The following NET1 variants were observed in gnomAD, a reference collection of about 807,000 sequenced individuals.
NET1 encodes neuroepithelial cell transforming 1, also known as neuroepithelial cell-transforming gene 1 protein.
Under a neutral mutation model 61.1 loss-of-function variants are expected in NET1, and 42 were observed. The observed-to-expected ratio is 0.69, with a 90% CI of 0.54 to 0.89. The LOEUF is 0.89. Ranked by LOEUF, NET1 falls within the 40% of genes least tolerant of loss-of-function variation. NET1 has a pLI of 0.00. For synonymous variants in NET1, 254 were observed against 281.8 expected (o/e 0.90, Z 0.99); for missense variants, 654 against 747.3 (o/e 0.88, Z 1.46).
chr10:5,456,786 C>G lies in NET1; in HGVS notation c.1583C>G (p.Ser528Cys). The G allele has an allele frequency of 6.2e-7, 1 of 1,613,250 alleles. No individual in the cohort carries two copies. Among genetic ancestry groups the G allele is most frequent in the Non-Finnish European group, 8.5e-7 (1 of 1,179,540 alleles). Residue 528 changes from serine (S) to cysteine (C), a missense_variant, in exon 12 of 12, where the codon TCT becomes TGT. Coordinates refer to ENST00000355029, the MANE Select transcript of NET1 (RefSeq NM_001047160.3). This position sits in a 1 kb window ranked among gnomAD's most constrained non-coding sequence, Gnocchi z 7.0. ...LHEECEGNHPSARKLTAQRRA... is the reference protein window; with the variant it reads ...LHEECEGNHPCARKLTAQRRA... ...GAAGAGTGTGAGGGGAACCACCCCT[C>G]TGCGAGGAAACTCACAGCCCAGAGG... is the stretch of plus-strand genomic sequence containing the variant.
rs1832529652 is a variant in NET1 at position 5,441,942 on chromosome 10, T to G, written c.256-9888T>G. ...AACCTATTTTTAGTGAGATACAGAGTATATGCTTGTAATCTTGAATTCTAG... is the reference window on the plus strand; with the variant it reads ...AACCTATTTTTAGTGAGATACAGAGGATATGCTTGTAATCTTGAATTCTAG... On this transcript the variant is annotated intron_variant, in intron 3 of 11. Coordinates refer to ENST00000355029, the MANE Select transcript of NET1 (RefSeq NM_001047160.3). The surrounding 1 kb of genome is among the most constrained non-coding windows in gnomAD (Gnocchi z 4.6). Among the ~76,000 whole-genome samples, 1 of 152,166 alleles carries G rather than the reference T, an allele frequency of 6.6e-6. No homozygotes were observed. Among genetic ancestry groups the G allele is most frequent in the Non-Finnish European group, 1.5e-5 (1 of 68,022 alleles).
chr10:5,451,879 C>G lies in NET1; in HGVS notation c.305C>G (p.Ala102Gly). ...VRPLARVTSL[A>G]NLISPVRNGA... is the part of the protein sequence containing the mutation. ...CCTCTGGCTCGTGTCACGTCCTTGG[C>G]AAATTTAATCTCTCCTGTAAGAAAT... The change falls in exon 4 of 12, where the codon GCA becomes GGA. Residue 102 changes from alanine to glycine, a missense_variant. Coordinates refer to ENST00000355029, the MANE Select transcript of NET1 (RefSeq NM_001047160.3). The surrounding 1 kb of genome is among the most constrained non-coding windows in gnomAD (Gnocchi z 6.1). The G allele has an allele frequency of 1.2e-6, 2 of 1,613,928 alleles. No individual in the cohort carries two copies. The highest frequency in any genetic ancestry group is 1.7e-6 in the Non-Finnish European group (2 of 1,179,920).
chr10:5,432,024 C>T (rs551150988), intron 3 of NET1, among the ~76,000 whole-genome samples: 2 of 152,204 alleles, frequency 1.3e-5, no homozygotes, highest in East Asian at 3.9e-4. Context: ...GCTTAATAGC[C>T]TCCTTGTCTT....
In NET1 at chr10:5,415,876, G is replaced by A. The variant is rs892555075; in HGVS notation, c.128+3056G>A. On this transcript the variant is annotated intron_variant, in intron 1 of 11. Coordinates refer to ENST00000355029, the MANE Select transcript of NET1 (RefSeq NM_001047160.3). The surrounding 1 kb of genome is among the most constrained non-coding windows in gnomAD (Gnocchi z 4.7). ...TCTTTTCACTTTCATGATGTGCTTCGAAGCACAAAAATGTTTTAGTTTGTA... is the reference window on the plus strand; with the variant it reads ...TCTTTTCACTTTCATGATGTGCTTCAAAGCACAAAAATGTTTTAGTTTGTA... Among the ~76,000 whole-genome samples the A allele has an allele frequency of 6.6e-6, 1 of 151,962 alleles. No homozygotes were observed. The highest frequency in any genetic ancestry group is 2.1e-4 in the South Asian group (1 of 4,822).
chr10:5,430,310 T>A (rs1216605589), intron 3 of NET1, among the ~76,000 whole-genome samples: 2 of 152,174 alleles, frequency 1.3e-5, no homozygotes, highest in African/African-American at 4.8e-5. Flanking sequence ...TTGAAGTAAA[T>A]CCTAGATGTC....
intron 3 of NET1, among the ~76,000 whole-genome samples, chr10:5,433,846 T>C (rs548726133): frequency 6.6e-6 from 1 of 152,242 alleles, no homozygotes; most frequent in African/African-American, 2.4e-5. Context: ...TCAAAACTTT[T>C]TATCTTTTTA....
In NET1 at chr10:5,422,653, A is replaced by G. The variant is rs1266253325; in HGVS notation, c.129-4002A>G. 1.3e-5 allele frequency among the ~76,000 whole-genome samples: 2 copies of G among 152,148 alleles called. No individual in the cohort carries two copies. The highest frequency in any genetic ancestry group is 2.9e-5 in the Non-Finnish European group (2 of 68,028). On this transcript the variant is annotated intron_variant, in intron 1 of 11. Coordinates refer to ENST00000355029, the MANE Select transcript of NET1 (RefSeq NM_001047160.3). The surrounding 1 kb of genome is among the most constrained non-coding windows in gnomAD (Gnocchi z 4.1). Reference sequence around the variant, plus strand: ...GTGTTTGCTGGTTTCTAGATGCTCAACTGTGTTCTAGACAAGATATTCCAA... The same window carrying G: ...GTGTTTGCTGGTTTCTAGATGCTCAGCTGTGTTCTAGACAAGATATTCCAA...
At chr10:5,429,705 C>CT (rs1318510718) in intron 3 of NET1, among the ~76,000 whole-genome samples, 1 of 152,154 alleles carries the variant, frequency 6.6e-6, no homozygotes, top group Non-Finnish European at 1.5e-5. Context: ...GGCTTCAAGG[C>CT]TTCAAGTATG....
At chr10:5,430,783 G>C (rs1832336507) in intron 3 of NET1, among the ~76,000 whole-genome samples, 1 of 151,262 alleles carries the variant, frequency 6.6e-6, no homozygotes, top group African/African-American at 2.4e-5. Flanking sequence ...TTTTTGTGGG[G>C]TTTTTTGTTT....
At position 5,452,746 on chromosome 10, in the gene NET1, A is replaced by G; in HGVS notation, c.532-112A>G. On this transcript the variant is annotated intron_variant, in intron 5 of 11. Transcript: ENST00000355029. This position sits in a 1 kb window ranked among gnomAD's most constrained non-coding sequence, Gnocchi z 4.0. ...TTCCATTCTGAATTACAATTTTCAG[A>G]CTGAGTTACTTTTTAAAATGCCGTT... is the stretch of plus-strand genomic sequence containing the variant. 9.5e-7 allele frequency: 1 copy of G among 1,055,198 alleles called. No homozygotes were observed. 65.4% of individuals were successfully genotyped at this position (1,055,198 alleles called of 1,614,324 possible). A position where few individuals can be genotyped will look rare whatever the true frequency, so the allele number is the denominator to read the frequency against.
In NET1 at chr10:5,426,556, C is replaced by T. The variant is rs1194387553; in HGVS notation, c.129-99C>T. The T allele has an allele frequency of 2.1e-5, 18 of 840,418 alleles. No homozygotes were observed. Among genetic ancestry groups the T allele is most frequent in the East Asian group, 5.4e-5 (2 of 37,356 alleles). 52.1% of individuals were successfully genotyped at this position (840,418 alleles called of 1,614,324 possible). A position where few individuals can be genotyped will look rare whatever the true frequency, so the allele number is the denominator to read the frequency against. On this transcript the variant is annotated intron_variant, in intron 1 of 11. Coordinates refer to ENST00000355029, the MANE Select transcript of NET1 (RefSeq NM_001047160.3). This position sits in a 1 kb window ranked among gnomAD's most constrained non-coding sequence, Gnocchi z 4.6. ...GAATGACAAATCAGGCCACTTTAAA[C>T]GGTTTTGAAAGTATGAAAAGTATAG...
chr10:5,412,709 C>A lies in NET1; in HGVS notation c.17C>A (p.Ala6Glu). The change falls in exon 1 of 12, where the codon GCG (alanine) becomes GAG (glutamate). Residue 6 changes from alanine to glutamate, a missense_variant. Transcript: ENST00000355029. The surrounding 1 kb of genome is among the most constrained non-coding windows in gnomAD (Gnocchi z 6.5). The stretch of plus-strand genomic sequence containing the variant: ...CTCCGTGCCATGGAGCCCGAGCTGG[C>A]GGCTCAGAAGCAGCCTCGACCGCGG... MEPEL[A>E]AQKQPRPRRR... 1 of 1,474,152 alleles carries A rather than the reference C, an allele frequency of 6.8e-7. No individual in the cohort carries two copies. Among genetic ancestry groups the A allele is most frequent in the Non-Finnish European group, 8.9e-7 (1 of 1,122,132 alleles). 91.3% of individuals were successfully genotyped at this position (1,474,152 alleles called of 1,614,324 possible).
intron 2 of NET1, among the ~76,000 whole-genome samples, chr10:5,428,056 T>C (rs934499923): frequency 4.7e-5 from 7 of 148,056 alleles, no homozygotes; most frequent in Non-Finnish European, 8.9e-5. Flanking sequence ...TTTTTTTTTT[T>C]TTTTTTTTTT....
At chr10:5,448,348 A>C (rs1178418621) in intron 3 of NET1, among the ~76,000 whole-genome samples, 14 of 152,212 alleles carry the variant, frequency 9.2e-5, no homozygotes, top group African/African-American at 3.4e-4. Flanking sequence ...CCTGAAAAAT[A>C]CTTTAACTTA....
rs1832496099 is a variant in NET1 at position 5,439,786 on chromosome 10, A to G, written c.255+10557A>G. ...CATCTTTGTCTACCATAAATACCCA[A>G]CCTTGATGTGATATACCAGGTCACA... On this transcript the variant is annotated intron_variant, in intron 3 of 11. Transcript: ENST00000355029. This position sits in a 1 kb window ranked among gnomAD's most constrained non-coding sequence, Gnocchi z 4.8. Among the ~76,000 whole-genome samples, 1 of 152,160 alleles carries G rather than the reference A, an allele frequency of 6.6e-6. No homozygotes were observed. The highest frequency in any genetic ancestry group is 6.5e-5 in the Admixed American group (1 of 15,272).
Position 5,446,346 on chromosome 10 carries a change from AG to A in NET1, c.256-5483del, listed in dbSNP as rs1832607346. Among the ~76,000 whole-genome samples the A allele has an allele frequency of 6.6e-6, 1 of 152,180 alleles. No homozygotes were observed. Among genetic ancestry groups the A allele is most frequent in the South Asian group, 2.1e-4 (1 of 4,834 alleles). ...CCATGCAATAGGGTTTTATGGGAAA[AG>A]TCTGCCTGTCTGTGACTAAGCACCA... On this transcript the variant is annotated intron_variant, in intron 3 of 11. Coordinates refer to ENST00000355029, the MANE Select transcript of NET1 (RefSeq NM_001047160.3). This position sits in a 1 kb window ranked among gnomAD's most constrained non-coding sequence, Gnocchi z 5.0.
rs199808307 is a variant in NET1, at chr10:5,456,130, G to A, written c.1241G>A (p.Arg414Gln). 69 of 1,613,830 alleles carry A rather than the reference G, an allele frequency of 4.3e-5. 1 individual carries two copies. The highest frequency in any genetic ancestry group is 3.3e-4 in the Middle Eastern group (2 of 6,084). ...FLFQDILVLT[R>Q]PVTRNERHSY... ...TTTCAAGACATCTTGGTTCTGACTC[G>A]GCCCGTCACACGGAACGAACGGCAC... is the stretch of plus-strand genomic sequence containing the variant. Residue 414 changes from arginine to glutamine, a missense_variant, in exon 11 of 12, where the codon CGG (arginine) becomes CAG (glutamine). Coordinates refer to ENST00000355029, the MANE Select transcript of NET1 (RefSeq NM_001047160.3). This position sits in a 1 kb window ranked among gnomAD's most constrained non-coding sequence, Gnocchi z 7.0.
At position 5,453,194 on chromosome 10, in the gene NET1, A is replaced by G. The variant is rs11253185; in HGVS notation, c.595-56A>G. ...TAATTCTCTTTGTTTCCAAGTATAG[A>G]TCCCTCATGTTTTCCTCACATGATC... On this transcript the variant is annotated intron_variant, in intron 6 of 11. Transcript: ENST00000355029. This position sits in a 1 kb window ranked among gnomAD's most constrained non-coding sequence, Gnocchi z 4.9. 0.27 allele frequency: 261,893 copies of G among 980,022 alleles called. 36,428 individuals carry two copies. Among genetic ancestry groups the G allele is most frequent in the Middle Eastern group, 0.29 (1,369 of 4,748 alleles). 60.7% of individuals were successfully genotyped at this position (980,022 alleles called of 1,614,324 possible). A position where few individuals can be genotyped will look rare whatever the true frequency, so the allele number is the denominator to read the frequency against.
chr10:5,425,830 A>T (rs1832250637), intron 1 of NET1, among the ~76,000 whole-genome samples: 2 of 152,260 alleles, frequency 1.3e-5, no homozygotes, highest in African/African-American at 4.8e-5. Flanking sequence ...AAGGAAAAAA[A>T]TAATGTGTTC....
Sources: gnomAD v4.1 joint callset for allele counts (sites outside exome capture counted in the v4.1 genomes callset) on GRCh38, gnomAD v4.1.1 for gene constraint, Gnocchi (gnomAD v3.1) non-coding constraint, MANE v1.5 for transcripts, NCBI Gene and HGNC (gene_info 2026-07-23, HGNC 2026-07-21) for gene names.